Variants in ZNF587B observed in about 807,000 individuals in gnomAD.
ZNF587B encodes zinc finger protein 587B.
In ZNF587B, 6 loss-of-function variants were observed where a neutral mutation model predicts 7.2. The ratio of observed to expected loss-of-function variants is 0.83; its 90% confidence interval spans 0.46 to 1.65. The LOEUF (loss-of-function observed/expected upper bound fraction) is 1.65. Among genes scored for constraint, ZNF587B ranks in the 40% most tolerant of loss-of-function variants. The probability of loss-of-function intolerance (pLI) is 0.01; values close to 1 mark genes in which losing one functional copy is unlikely to be tolerated. For synonymous variants in ZNF587B, 274 were observed against 254.3 expected (o/e 1.08, Z -0.74); for missense variants, 749 against 761.0 (o/e 0.98, Z 0.19).
chr19:57,832,066 T>A (rs1257755742), intron 1 of ZNF587B, among the ~76,000 whole-genome samples: 1 of 151,892 alleles, frequency 6.6e-6, no homozygotes, highest in Non-Finnish European at 1.5e-5. Context: ...CAGAGTGCCC[T>A]GTGAAATACA....
rs2375157 is a variant in ZNF587B at position 57,840,669 on chromosome 19, G to A, written c.164-169G>A. On this transcript the variant is annotated intron_variant, in intron 2 of 2. Transcript: ENST00000594901. ...ATGAGGCCTCCTACATTCTGTGACC[G>A]TTATAGTCCAGTAATAATACATAGC... Among the ~76,000 whole-genome samples, 20 of 152,230 alleles carry A rather than the reference G, an allele frequency of 1.3e-4. No homozygotes were observed. The East Asian group carries it at 1.4e-3, about 10-fold the overall frequency.
rs12981244 is a variant in ZNF587B, at chr19:57,841,154, G to A, written c.480G>A (p.Arg160=). 0.47 allele frequency: 755,782 copies of A among 1,613,718 alleles called. 182,680 individuals are homozygous for A. Among genetic ancestry groups the A allele is most frequent in the East Asian group, 0.7 (31,501 of 44,848 alleles). Residue 160 remains arginine (R), a synonymous_variant, in exon 3 of 3, where the codon AGG becomes AGA. Coordinates refer to ENST00000594901, the MANE Select transcript of ZNF587B (RefSeq NM_001376223.1). ...TTGAGGAGGCGTTGTTTGTGAAGAG[G>A]TGTAAGTTGCATGTGTCAGGGGAGT... The part of the protein sequence containing the change: ...GSVEEALFVK[R]CKLHVSGESS...
At chr19:57,832,789 C>A (rs1206001271) in intron 1 of ZNF587B, among the ~76,000 whole-genome samples, 2 of 152,252 alleles carry the variant, frequency 1.3e-5, no homozygotes, top group Non-Finnish European at 2.9e-5. Flanking sequence ...GTGACTCTTG[C>A]AGACTCAGAG....
intron 1 of ZNF587B, among the ~76,000 whole-genome samples, chr19:57,831,070 G>C (rs561670600): frequency 1.3e-5 from 2 of 152,170 alleles, no homozygotes; most frequent in Non-Finnish European, 2.9e-5. Flanking sequence ...TCAATCAGAC[G>C]AATTCCTGGG....
chr19:57,843,586 G>C lies in ZNF587B; in HGVS notation c.*1010G>C. On this transcript the variant is annotated 3_prime_UTR_variant, in exon 3 of 3. Coordinates refer to ENST00000594901, the MANE Select transcript of ZNF587B (RefSeq NM_001376223.1). ...TGTTTGGTTGGTTGGTTGGTTGGTT[G>C]GTTGTTTTTTTTTGTTTTTTTTTTT... 4 of 817,102 alleles carry C rather than the reference G, an allele frequency of 4.9e-6. No homozygotes were observed. The highest frequency in any genetic ancestry group is 5.7e-6 in the Non-Finnish European group (4 of 705,454). 50.6% of individuals were successfully genotyped at this position (817,102 alleles called of 1,614,324 possible).
chr19:57,841,831 A>G lies in ZNF587B; in HGVS notation c.1157A>G (p.Glu386Gly). ...GAAGTAAGACCTTACAAGTGTGGAG[A>G]ATGTGGGAAATCTTATATTTCAAAG... ...HTEVRPYKCGECGKSYISKGH... is the reference protein window; with the variant it reads ...HTEVRPYKCGGCGKSYISKGH... Residue 386 changes from glutamate (E) to glycine (G), a missense_variant, in exon 3 of 3, where the codon GAA (glutamate) becomes GGA (glycine). Physicochemically the swap from Glu to Gly is moderately conservative, Grantham distance 98. Around this residue, in one of 3 missense-constraint regions of ZNF587B, gnomAD observed 656 missense variants for 596.5 expected, o/e 1.10. Transcript: ENST00000594901. The G allele has an allele frequency of 6.2e-7, 1 of 1,612,312 alleles. No individual in the cohort carries two copies. The highest frequency in any genetic ancestry group is 1.3e-5 in the African/African-American group (1 of 74,930).
intron 1 of ZNF587B, among the ~76,000 whole-genome samples, chr19:57,837,669 C>T (rs1209407647): frequency 6.6e-6 from 1 of 151,980 alleles, no homozygotes. Context: ...AGGATGGTCT[C>T]GATCTCCTGA....
chr19:57,838,469 C>G (rs1226410927), intron 1 of ZNF587B, among the ~76,000 whole-genome samples: 1 of 151,314 alleles, frequency 6.6e-6, no homozygotes, highest in Non-Finnish European at 1.5e-5. Flanking sequence ...GATGTGGTGG[C>G]GGGTGCCTGT....
chr19:57,830,535 G>C lies in ZNF587B; in HGVS notation c.7G>C (p.Val3Leu). Residue 3 changes from valine (V) to leucine (L), a missense_variant, in exon 1 of 3, where the codon GTG becomes CTG. Transcript: ENST00000594901. ...CTTTAAACCACGTGGTTCGATGGCG[G>C]TGGTGGCCACGCTGAGGCTCTCTGC... MA[V>L]VATLRLSAQG... The C allele has an allele frequency of 1.9e-6, 3 of 1,549,726 alleles. No individual in the cohort carries two copies. Among genetic ancestry groups the C allele is most frequent in the Non-Finnish European group, 2.6e-6 (3 of 1,147,140 alleles).
At chr19:57,833,190 G>A (rs1316283435) in intron 1 of ZNF587B, among the ~76,000 whole-genome samples, 1 of 150,626 alleles carries the variant, frequency 6.6e-6, no homozygotes, top group Non-Finnish European at 1.5e-5. Flanking sequence ...CCAGGGATTG[G>A]AGTAAAAATC....
chr19:57,842,742 G>T lies in ZNF587B; in HGVS notation c.*166G>T. 1.0e-6 allele frequency: 1 copy of T among 985,342 alleles called. No homozygotes were observed. The highest frequency in any genetic ancestry group is 1.2e-6 in the Non-Finnish European group (1 of 829,924). 61.0% of individuals were successfully genotyped at this position (985,342 alleles called of 1,614,324 possible). A position where few individuals can be genotyped will look rare whatever the true frequency, so the allele number is the denominator to read the frequency against. ...AGTCCTTACAAGTAAAATAAATTTG[G>T]CAGTTTTGTAGCCACACCTCTGTAT... is the stretch of plus-strand genomic sequence containing the variant. On this transcript the variant is annotated 3_prime_UTR_variant, in exon 3 of 3. Coordinates refer to ENST00000594901, the MANE Select transcript of ZNF587B (RefSeq NM_001376223.1).
At chr19:57,838,445 A>C (rs1332308647) in intron 1 of ZNF587B, among the ~76,000 whole-genome samples, 2 of 152,008 alleles carry the variant, frequency 1.3e-5, no homozygotes, top group East Asian at 1.9e-4. Context: ...TACTAAAAAT[A>C]TAAAAATTAG....
chr19:57,838,183 T>G (rs976083503), intron 1 of ZNF587B, among the ~76,000 whole-genome samples: 17 of 151,650 alleles, frequency 1.1e-4, no homozygotes, highest in African/African-American at 3.6e-4. Context: ...GGTGCACACC[T>G]GTAATCCCAG....
chr19:57,843,587 G>GTTGTTTTTTT lies in ZNF587B; in HGVS notation c.*1024_*1033dup, dbSNP rs1345752487. 6 of 738,190 alleles carry GTTGTTTTTTT rather than the reference G, an allele frequency of 8.1e-6. No homozygotes were observed. The highest frequency in any genetic ancestry group is 9.4e-6 in the Non-Finnish European group (6 of 639,020). The allele number at this position is 738,190 out of a possible 1,614,324, so 45.7% of individuals were successfully genotyped here. ...GTTTGGTTGGTTGGTTGGTTGGTTGGTTGTTTTTTTTTGTTTTTTTTTTTT... is the reference window on the plus strand; with the variant it reads ...GTTTGGTTGGTTGGTTGGTTGGTTGGTTGTTTTTTTTTGTTTTTTTTTGTTTTTTTTTTTT... On this transcript the variant is annotated 3_prime_UTR_variant, in exon 3 of 3. Coordinates refer to ENST00000594901, the MANE Select transcript of ZNF587B (RefSeq NM_001376223.1).
chr19:57,841,382 C>T lies in ZNF587B; in HGVS notation c.708C>T (p.Leu236=), dbSNP rs758521156. Residue 236 remains leucine, a synonymous_variant, in exon 3 of 3, where the codon CTC becomes CTT. Coordinates refer to ENST00000594901, the MANE Select transcript of ZNF587B (RefSeq NM_001376223.1). Reference sequence around the variant, plus strand: ...TACTCAGTCAGCACCAGAGACTTCTCCCTCGAGAAGAATGTTATGTGTGCT... The same window carrying T: ...TACTCAGTCAGCACCAGAGACTTCTTCCTCGAGAAGAATGTTATGTGTGCT... The part of the protein sequence containing the change: ...KHILSQHQRL[L]PREECYVCCE... The T allele has an allele frequency of 6.3e-7, 1 of 1,587,968 alleles. No homozygotes were observed. Among genetic ancestry groups the T allele is most frequent in the Non-Finnish European group, 8.6e-7 (1 of 1,166,150 alleles).
At chr19:57,837,010 C>T (rs940359260) in intron 1 of ZNF587B, among the ~76,000 whole-genome samples, 7 of 145,884 alleles carry the variant, frequency 4.8e-5, no homozygotes, top group African/African-American at 1.1e-4. Flanking sequence ...TGAAGCCTTT[C>T]GATCAATGAA....
intron 2 of ZNF587B, among the ~76,000 whole-genome samples, chr19:57,840,328 TAA>T (rs1334361992): frequency 6.6e-6 from 1 of 152,166 alleles, no homozygotes; most frequent in African/African-American, 2.4e-5. Flanking sequence ...ACTCGTACCC[TAA>T]TATCCATTCT....
intron 2 of ZNF587B, among the ~76,000 whole-genome samples, chr19:57,840,470 C>T (rs1988796540): frequency 6.6e-6 from 1 of 152,124 alleles, no homozygotes; most frequent in South Asian, 2.1e-4. Flanking sequence ...AAACTGTCCT[C>T]AAGCAGAAGC....
At chr19:57,839,876 C>G (rs1467948551) in intron 2 of ZNF587B, among the ~76,000 whole-genome samples, 1 of 151,944 alleles carries the variant, frequency 6.6e-6, no homozygotes, top group South Asian at 2.1e-4. Flanking sequence ...GTCAGGAGTT[C>G]AAGACCAGCC....
Sources: gnomAD v4.1 joint callset for allele counts (sites outside exome capture counted in the v4.1 genomes callset) on GRCh38, gnomAD v4.1.1 for gene constraint, gnomAD v4.1.1 regional missense constraint, MANE v1.5 for transcripts, NCBI Gene and HGNC (gene_info 2026-07-23, HGNC 2026-07-21) for gene names.